GOLM2: variants seen among roughly 807,000 people sequenced by gnomAD.
GOLM2 encodes protein GOLM2.
Under a neutral mutation model 55.9 loss-of-function variants are expected in GOLM2, and 26 were observed. The observed-to-expected ratio is 0.47, with a 90% CI of 0.34 to 0.65. The LOEUF (loss-of-function observed/expected upper bound fraction) is 0.65, where lower values mean the gene tolerates loss of function less well. Ranked by LOEUF, GOLM2 falls within the 30% of genes least tolerant of loss-of-function variation. GOLM2 has a pLI of 0.01. For missense variants in GOLM2, 486 were observed against 531.8 expected (o/e 0.91, Z 0.85); for synonymous variants, 165 against 194.6 (o/e 0.85, Z 1.27).
rs150790051 is a variant in GOLM2, at chr15:44,298,325, G to A, written c.327+8969G>A. 1.9e-3 allele frequency among the ~76,000 whole-genome samples: 283 copies of A among 147,138 alleles called. 1 individual carries two copies. The highest frequency in any genetic ancestry group is 6.7e-3 in the African/African-American group (267 of 39,708). ...GTCGCCCAGGTTGGAGTGCAATGGC[G>A]CGATCTCAGCTTACTGCAACCTCCG... is the stretch of plus-strand genomic sequence containing the variant. On this transcript the variant is annotated intron_variant, in intron 1 of 9. Coordinates refer to ENST00000299957, the MANE Select transcript of GOLM2 (RefSeq NM_138423.4).
intron 3 of GOLM2, among the ~76,000 whole-genome samples, chr15:44,329,899 CTTT>C (rs777520089): frequency 3.2e-5 from 4 of 126,916 alleles, no homozygotes; most frequent in Admixed American, 8.1e-5. Context: ...GAGAACTTGT[CTTT>C]TTTTTTTTTT....
intron 6 of GOLM2, among the ~76,000 whole-genome samples, chr15:44,360,502 ACTAT>A (rs1363559474): frequency 6.6e-6 from 1 of 152,240 alleles, no homozygotes; most frequent in Non-Finnish European, 1.5e-5. Flanking sequence ...AGAAGAGCTA[ACTAT>A]CCTAAATATA....
chr15:44,302,537 C>CTA (rs1421495555), intron 1 of GOLM2, among the ~76,000 whole-genome samples: 2 of 151,854 alleles, frequency 1.3e-5, no homozygotes, highest in South Asian at 2.1e-4. Context: ...GTTGCCCAGG[C>CTA]TATAGTGCAG....
chr15:44,394,922 A>C (rs909653600), intron 8 of GOLM2, among the ~76,000 whole-genome samples: 2 of 152,084 alleles, frequency 1.3e-5, no homozygotes, highest in Admixed American at 1.3e-4. Flanking sequence ...TTTCCTTTTC[A>C]TTCTCTCTAG....
At position 44,310,438 on chromosome 15, in the gene GOLM2, T is replaced by TTCTCTCTCTCTCTC. The variant is rs778563022; in HGVS notation, c.328-12523_328-12510dup. Among the ~76,000 whole-genome samples the TTCTCTCTCTCTCTC allele has an allele frequency of 8.3e-3, 1,122 of 135,830 alleles. 5 individuals carry two copies. Among genetic ancestry groups the TTCTCTCTCTCTCTC allele is most frequent in the East Asian group, 0.043 (172 of 3,982 alleles). 89.1% of individuals were successfully genotyped at this position (135,830 alleles called of 152,430 possible). On this transcript the variant is annotated intron_variant, in intron 1 of 9. Transcript: ENST00000299957. Reference sequence around the variant, plus strand: ...TGGGCAACATAGTGAGAGTCTCTCTTTCTCTCTCTCTCTCTCTATATATAT... The same window carrying TTCTCTCTCTCTCTC: ...TGGGCAACATAGTGAGAGTCTCTCTTTCTCTCTCTCTCTCTCTCTCTCTCTCTCTCTATATATAT...
chr15:44,340,403 GGCACAC>G (rs1319693362), intron 6 of GOLM2, among the ~76,000 whole-genome samples: 11 of 152,034 alleles, frequency 7.2e-5, no homozygotes, highest in Admixed American at 2.0e-4. Flanking sequence ...TAGGACTACA[GGCACAC>G]ACCACCACAC....
intron 1 of GOLM2, among the ~76,000 whole-genome samples, chr15:44,321,864 C>A (rs939466802): frequency 6.6e-6 from 1 of 151,660 alleles, no homozygotes; most frequent in African/African-American, 2.4e-5. Context: ...CCAGCCTGGG[C>A]AACATAGCAA....
intron 8 of GOLM2, among the ~76,000 whole-genome samples, chr15:44,401,238 A>G (rs1464619379): frequency 1.3e-5 from 2 of 151,882 alleles, no homozygotes; most frequent in Non-Finnish European, 2.9e-5. Flanking sequence ...TAGCCTCCCA[A>G]GTAGATGAGA....
At chr15:44,340,446 G>C (rs183343041) in intron 6 of GOLM2, among the ~76,000 whole-genome samples, 1 of 151,964 alleles carries the variant, frequency 6.6e-6, no homozygotes, top group East Asian at 1.9e-4. Flanking sequence ...TTTCTGTAGA[G>C]ACGGTGCCTC....
At chr15:44,360,721 A>G (rs1470812681) in intron 6 of GOLM2, among the ~76,000 whole-genome samples, 1 of 151,926 alleles carries the variant, frequency 6.6e-6, no homozygotes, top group Non-Finnish European at 1.5e-5. Flanking sequence ...CATCTACAGA[A>G]CTCTCCACCC....
At chr15:44,333,937 G>A (rs1033609059) in intron 4 of GOLM2, among the ~76,000 whole-genome samples, 41 of 152,118 alleles carry the variant, frequency 2.7e-4, no homozygotes, top group African/African-American at 9.6e-4. Context: ...GGATGGTCTC[G>A]ATCTCCCGAC....
Position 44,415,075 on chromosome 15 carries a change from T to G in GOLM2, c.*1669T>G, listed in dbSNP as rs547408351. On this transcript the variant is annotated 3_prime_UTR_variant, in exon 10 of 10. Transcript: ENST00000299957. Reference sequence around the variant, plus strand: ...ACATTCTAGGCAAAATTCAAACTTATAGTGGTAAAGAAACAGGTTGTTCAC... The same window carrying G: ...ACATTCTAGGCAAAATTCAAACTTAGAGTGGTAAAGAAACAGGTTGTTCAC... 1.3e-5 allele frequency: 2 copies of G among 152,542 alleles called. No homozygotes were observed. Among genetic ancestry groups the G allele is most frequent in the Admixed American group, 6.5e-5 (1 of 15,270 alleles). 9.4% of individuals were successfully genotyped at this position (152,542 alleles called of 1,614,324 possible). A position where few individuals can be genotyped will look rare whatever the true frequency, so the allele number is the denominator to read the frequency against.
At chr15:44,359,323 C>T (rs991705959) in intron 6 of GOLM2, among the ~76,000 whole-genome samples, 2 of 151,952 alleles carry the variant, frequency 1.3e-5, no homozygotes, top group Admixed American at 6.6e-5. Flanking sequence ...CGCAGTGGCT[C>T]ATGCCTGTAA....
At chr15:44,408,479 T>C (rs945652897) in intron 9 of GOLM2, among the ~76,000 whole-genome samples, 4 of 152,208 alleles carry the variant, frequency 2.6e-5, no homozygotes, top group African/African-American at 9.6e-5. Context: ...TTGAGGACAT[T>C]GCAAGTAATG....
At chr15:44,328,921 C>G in intron 3 of GOLM2, 134 bp downstream of exon 3, 1 of 543,534 alleles carries the variant, frequency 1.8e-6, no homozygotes, top group Non-Finnish European at 3.1e-6. Context: ...CTTTTAAATT[C>G]CTTTTCTATT....
At chr15:44,350,630 G>GTAA (rs1306241116) in intron 6 of GOLM2, among the ~76,000 whole-genome samples, 3 of 152,186 alleles carry the variant, frequency 2.0e-5, no homozygotes, top group Non-Finnish European at 2.9e-5. Context: ...TAGGAGACGA[G>GTAA]TAATAGCCTG....
intron 8 of GOLM2, among the ~76,000 whole-genome samples, chr15:44,392,454 C>T (rs2079497032): frequency 6.6e-6 from 1 of 151,874 alleles, no homozygotes; most frequent in African/African-American, 2.4e-5. Context: ...GAAACCCTGT[C>T]TCTACTAAAA....
chr15:44,326,497 A>G (rs547221844), intron 2 of GOLM2, among the ~76,000 whole-genome samples: 2 of 151,938 alleles, frequency 1.3e-5, no homozygotes, highest in East Asian at 1.9e-4. Flanking sequence ...GAAAGTGTAG[A>G]AAAAAAGTAT....
At chr15:44,383,143 T>C (rs2079416209) in intron 8 of GOLM2, among the ~76,000 whole-genome samples, 1 of 151,308 alleles carries the variant, frequency 6.6e-6, no homozygotes, top group African/African-American at 2.4e-5. Context: ...AGAATATATG[T>C]ATACATATAC....
Sources: gnomAD v4.1 joint callset for allele counts (sites outside exome capture counted in the v4.1 genomes callset) on GRCh38, gnomAD v4.1.1 for gene constraint, MANE v1.5 for transcripts, NCBI Gene and HGNC (gene_info 2026-07-23, HGNC 2026-07-21) for gene names.